The following TMEM47 variants were observed in gnomAD, a reference collection of about 807,000 sequenced individuals.
TMEM47 encodes brain cell membrane protein 1.
A neutral mutation model predicts 12.4 loss-of-function variants in TMEM47; 3 were observed. The observed-to-expected ratio is 0.24, with a 90% CI of 0.11 to 0.63. TMEM47 has a LOEUF of 0.63. Among genes scored for constraint, TMEM47 ranks in the 20% least tolerant of loss-of-function variants. TMEM47 has a pLI of 0.86. For missense variants in TMEM47, 89 were observed against 143.8 expected (o/e 0.62, Z 1.95); for synonymous variants, 62 against 63.3 (o/e 0.98, Z 0.10).
At position 34,627,989 on chromosome X, in the gene TMEM47, C is replaced by T. The variant is rs1431377996; in HGVS notation, c.*2324G>A. ...AAGGGAAAAAAGTCACATAAGAAAT[C>T]TACTTTTCAGTAAACTGCAAATATG... On this transcript the variant is annotated 3_prime_UTR_variant, in exon 3 of 3. Coordinates refer to ENST00000275954, the MANE Select transcript of TMEM47 (RefSeq NM_031442.4). 1 of 111,822 alleles carries T rather than the reference C, an allele frequency of 8.9e-6. No individual in the cohort carries two copies. Among genetic ancestry groups the T allele is most frequent in the East Asian group, 2.8e-4 (1 of 3,524 alleles). 9.2% of individuals were successfully genotyped at this position (111,822 alleles called of 1,213,427 possible).
intron 1 of TMEM47, among the ~76,000 whole-genome samples, chrX:34,649,377 A>C (rs984611929): frequency 3.6e-5 from 4 of 111,828 alleles, no homozygotes; most frequent in East Asian, 5.7e-4. Context: ...CAGAAAAAAA[A>C]CCGAGGTCAT....
At chrX:34,633,535 A>G (rs1304401429) in intron 2 of TMEM47, among the ~76,000 whole-genome samples, 2 of 111,628 alleles carry the variant, frequency 1.8e-5, no homozygotes, top group Non-Finnish European at 3.8e-5. Flanking sequence ...TTCGTGGTTC[A>G]TGGACAGCCT....
chrX:34,637,027 C>A lies in TMEM47; in HGVS notation c.367+2220G>T, dbSNP rs747887759. ...TGGGAAATTACTTAATTTTTCTGAA[C>A]CTGTTTCTTCATTGATAATACGGAG... On this transcript the variant is annotated intron_variant, in intron 2 of 2. Transcript: ENST00000275954. 3.6e-5 allele frequency among the ~76,000 whole-genome samples: 4 copies of A among 111,925 alleles called. No homozygotes were observed. In the East Asian group the frequency reaches 8.4e-4, roughly 24 times the overall value.
chrX:34,654,216 T>C (rs998388732), intron 1 of TMEM47, among the ~76,000 whole-genome samples: 3 of 112,366 alleles, frequency 2.7e-5, no homozygotes, highest in African/African-American at 9.7e-5. Flanking sequence ...TAGGGCATAC[T>C]ATTGTGAGTA....
At chrX:34,647,029 C>A (rs1009774175) in intron 1 of TMEM47, among the ~76,000 whole-genome samples, 2 of 111,457 alleles carry the variant, frequency 1.8e-5, no homozygotes, top group African/African-American at 3.3e-5. Flanking sequence ...GACTTTGTAT[C>A]AGAATAATGT....
intron 2 of TMEM47, among the ~76,000 whole-genome samples, chrX:34,633,699 C>G (rs1000157726): frequency 5.4e-5 from 6 of 111,400 alleles, no homozygotes; most frequent in Admixed American, 2.9e-4. Context: ...AGGTGTTTAC[C>G]TACGCTGCTT....
chrX:34,646,355 G>A (rs1267150297), intron 1 of TMEM47, among the ~76,000 whole-genome samples: 1 of 111,678 alleles, frequency 9.0e-6, no homozygotes, highest in African/African-American at 3.3e-5. Context: ...CTTGAATACA[G>A]TATTTAGCAA....
intron 1 of TMEM47, among the ~76,000 whole-genome samples, chrX:34,655,784 G>GAGAGAGAGAA (rs1555923124): frequency 3.7e-5 from 4 of 108,650 alleles, no homozygotes; most frequent in African/African-American, 1.0e-4. Context: ...GTGAGAGAGA[G>GAGAGAGAGAA]AGAGAGAAAG....
chrX:34,636,908 A>G (rs1300783921), intron 2 of TMEM47, among the ~76,000 whole-genome samples: 6 of 111,985 alleles, frequency 5.4e-5, no homozygotes, highest in African/African-American at 1.9e-4. Context: ...GTACTGAAGT[A>G]AAGATAACTG....
intron 2 of TMEM47, among the ~76,000 whole-genome samples, chrX:34,634,946 C>T (rs764322360): frequency 8.9e-6 from 1 of 111,782 alleles, no homozygotes; most frequent in Admixed American, 9.5e-5. Context: ...CTAGGGAGAC[C>T]ATCTGCGAGG....
intron 2 of TMEM47, among the ~76,000 whole-genome samples, chrX:34,633,512 A>G (rs183303621): frequency 9.0e-6 from 1 of 111,585 alleles, no homozygotes; most frequent in Non-Finnish European, 1.9e-5. Flanking sequence ...GATGGAAGAA[A>G]CAGCAGGGGC....
intron 2 of TMEM47, among the ~76,000 whole-genome samples, chrX:34,632,257 G>A (rs909736937): frequency 3.5e-4 from 39 of 111,533 alleles, no homozygotes; most frequent in African/African-American, 1.1e-3. Context: ...GAAAAGGAGG[G>A]AACAAACTGA....
chrX:34,646,220 T>C (rs1261949925), intron 1 of TMEM47, among the ~76,000 whole-genome samples: 4 of 112,361 alleles, frequency 3.6e-5, no homozygotes, highest in African/African-American at 1.3e-4. Flanking sequence ...CACATACTTT[T>C]TATTTTCAAC....
intron 2 of TMEM47, among the ~76,000 whole-genome samples, chrX:34,630,930 TGGGA>T (rs1196412353): frequency 9.2e-6 from 1 of 108,827 alleles, no homozygotes; most frequent in African/African-American, 3.4e-5. Flanking sequence ...TCCAGCACTT[TGGGA>T]GGCCCAGGCA....
intron 1 of TMEM47, among the ~76,000 whole-genome samples, chrX:34,642,013 C>T (rs1921826873): frequency 1.8e-5 from 2 of 112,298 alleles, no homozygotes; most frequent in South Asian, 7.5e-4. Context: ...TGTGCCACCA[C>T]GCCCAGTTAA....
chrX:34,635,138 C>T (rs1233386109), intron 2 of TMEM47, among the ~76,000 whole-genome samples: 1 of 111,569 alleles, frequency 9.0e-6, no homozygotes, highest in Admixed American at 9.5e-5. Context: ...TAACACTGCT[C>T]TCCCTTGATT....
At chrX:34,645,295 G>A (rs1921890396) in intron 1 of TMEM47, among the ~76,000 whole-genome samples, 2 of 111,770 alleles carry the variant, frequency 1.8e-5, no homozygotes, top group South Asian at 7.3e-4. Flanking sequence ...CAAAGACTAT[G>A]TCTTTTTCCC....
intron 1 of TMEM47, among the ~76,000 whole-genome samples, chrX:34,649,338 C>T (rs904287687): frequency 2.7e-5 from 3 of 111,485 alleles, no homozygotes; most frequent in African/African-American, 9.8e-5. Flanking sequence ...GAAAGTGTAG[C>T]GCATATACAC....
rs1164926221 is a variant in TMEM47, at chrX:34,628,766, TTTG to T, written c.*1544_*1546del. The T allele has an allele frequency of 3.6e-5, 4 of 112,181 alleles. No individual in the cohort carries two copies. Among genetic ancestry groups the T allele is most frequent in the Non-Finnish European group, 5.6e-5 (3 of 53,150 alleles). The allele number at this position is 112,181 out of a possible 1,213,427, so 9.2% of individuals were successfully genotyped here. ...AACCAGAACATACTGTTTTAGTGTC[TTTG>T]TTAACAAAAATAATTATTTATAACT... On this transcript the variant is annotated 3_prime_UTR_variant, in exon 3 of 3. Coordinates refer to ENST00000275954, the MANE Select transcript of TMEM47 (RefSeq NM_031442.4).
Sources: gnomAD v4.1 joint callset for allele counts (sites outside exome capture counted in the v4.1 genomes callset) on GRCh38, gnomAD v4.1.1 for gene constraint, MANE v1.5 for transcripts, NCBI Gene and HGNC (gene_info 2026-07-23, HGNC 2026-07-21) for gene names.